The following PTPRM variants were observed in gnomAD, a reference collection of about 807,000 sequenced individuals.
The protein encoded by PTPRM is protein tyrosine phosphatase receptor type M.
A neutral mutation model predicts 186.7 loss-of-function variants in PTPRM; 47 were observed. That is an observed-to-expected ratio of 0.25 (90% CI 0.20 to 0.32). The LOEUF (loss-of-function observed/expected upper bound fraction) is 0.32. PTPRM is among the 10% of genes least tolerant of loss of function. The pLI is 1.00. For missense variants in PTPRM, 1,494 were observed against 1,865.0 expected, an observed-to-expected ratio of 0.80 and a Z score of 3.66; for synonymous variants, 668 against 674.9, an observed-to-expected ratio of 0.99 and a Z score of 0.16.
intron 7 of PTPRM, among the ~76,000 whole-genome samples, chr18:8,063,653 A>G (rs913649361): frequency 2.0e-5 from 3 of 152,144 alleles, no homozygotes; most frequent in Non-Finnish European, 2.9e-5. Context: ...TTATGGATTT[A>G]GGGGTACAAG....
At chr18:8,192,756 G>A (rs1469023895) in intron 14 of PTPRM, among the ~76,000 whole-genome samples, 1 of 152,198 alleles carries the variant, frequency 6.6e-6, no homozygotes, top group African/African-American at 2.4e-5. Flanking sequence ...AGAATTGTCA[G>A]TGTTTGCCAA....
chr18:8,390,241 A>T (rs2095802494), intron 31 of PTPRM, among the ~76,000 whole-genome samples: 1 of 152,238 alleles, frequency 6.6e-6, no homozygotes, highest in Non-Finnish European at 1.5e-5. Flanking sequence ...GACTGCCTGG[A>T]CACGTTGGTC....
intron 7 of PTPRM, among the ~76,000 whole-genome samples, chr18:8,048,950 CA>C (rs1485299303): frequency 2.0e-5 from 3 of 152,108 alleles, no homozygotes; most frequent in Non-Finnish European, 4.4e-5. Flanking sequence ...GGTAAAATAT[CA>C]GTTCCAAACT....
chr18:8,194,392 G>A (rs1025418268), intron 14 of PTPRM, among the ~76,000 whole-genome samples: 4 of 152,214 alleles, frequency 2.6e-5, no homozygotes, highest in Non-Finnish European at 4.4e-5. Flanking sequence ...AAAACCAAGA[G>A]CTGATATGTG....
intron 19 of PTPRM, among the ~76,000 whole-genome samples, chr18:8,271,112 A>G (rs2094766473): frequency 6.6e-6 from 1 of 152,288 alleles, no homozygotes; most frequent in Non-Finnish European, 1.5e-5. Flanking sequence ...TTTTAAAAAC[A>G]TAGGTTGACA....
intron 7 of PTPRM, among the ~76,000 whole-genome samples, chr18:8,045,853 G>A (rs1027213082): frequency 1.3e-5 from 2 of 152,134 alleles, no homozygotes; most frequent in Non-Finnish European, 2.9e-5. Flanking sequence ...TTGAAAAAAG[G>A]GACTTAAGTG....
intron 24 of PTPRM, among the ~76,000 whole-genome samples, chr18:8,373,886 G>GAA (rs563237434): frequency 2.3e-5 from 3 of 129,696 alleles, no homozygotes; most frequent in African/African-American, 2.8e-5. Flanking sequence ...CCCTGTCTCG[G>GAA]AAAAAAAAAA....
chr18:8,353,919 G>C (rs1485967785), intron 23 of PTPRM, among the ~76,000 whole-genome samples: 1 of 152,128 alleles, frequency 6.6e-6, no homozygotes, highest in East Asian at 1.9e-4. Flanking sequence ...AAACAAAAAA[G>C]AGTATAATGC....
chr18:7,762,262 C>T (rs1422983556), intron 1 of PTPRM, among the ~76,000 whole-genome samples: 1 of 151,864 alleles, frequency 6.6e-6, no homozygotes, highest in African/African-American at 2.4e-5. Context: ...CAACAGGTAC[C>T]TGGGAGAGGT....
At position 7,828,951 on chromosome 18, in the gene PTPRM, T is replaced by C. The variant is rs948789493; in HGVS notation, c.196+54680T>C. Among the ~76,000 whole-genome samples, 6 of 152,188 alleles carry C rather than the reference T, an allele frequency of 3.9e-5. No individual in the cohort carries two copies. In the East Asian group the frequency reaches 9.6e-4, roughly 24 times the overall value. ...AGAACTCCTTTTCTTCTCTCTCTCT[T>C]TTTTGTTTTTTGGTCTGGCCTCTAG... On this transcript the variant is annotated intron_variant, in intron 2 of 32. Transcript: ENST00000580170.
At chr18:7,685,777 GC>G (rs1256619019) in intron 1 of PTPRM, among the ~76,000 whole-genome samples, 1 of 152,100 alleles carries the variant, frequency 6.6e-6, no homozygotes, top group Non-Finnish European at 1.5e-5. Context: ...GAGCCACTAG[GC>G]AAGGTCAGGC....
Position 7,908,399 on chromosome 18 carries a change from A to C in PTPRM, c.547+1816A>C, listed in dbSNP as rs114427901. Among the ~76,000 whole-genome samples the C allele has an allele frequency of 3.6e-3, 544 of 152,322 alleles. 1 individual carries two copies. The highest frequency in any genetic ancestry group is 0.012 in the African/African-American group (516 of 41,560). ...AAGAATGATTATATCTACAATAATA[A>C]AAATGGAAATATTTGCAGGAGTGGC... On this transcript the variant is annotated intron_variant, in intron 4 of 32. Coordinates refer to ENST00000580170, the MANE Select transcript of PTPRM (RefSeq NM_001105244.2).
In PTPRM at chr18:8,048,038, A is replaced by T. The variant is rs573589891; in HGVS notation, c.1133-21648A>T. Among the ~76,000 whole-genome samples, 3 of 152,336 alleles carry T rather than the reference A, an allele frequency of 2.0e-5. No individual in the cohort carries two copies. In the East Asian group the frequency reaches 5.8e-4, roughly 29 times the overall value. ...TGATTCCCTGGCTTCCAGGAAAACAATGAAAAACATCTACATTGCCTTTGT... is the reference window on the plus strand; with the variant it reads ...TGATTCCCTGGCTTCCAGGAAAACATTGAAAAACATCTACATTGCCTTTGT... On this transcript the variant is annotated intron_variant, in intron 7 of 32. Coordinates refer to ENST00000580170, the MANE Select transcript of PTPRM (RefSeq NM_001105244.2).
At chr18:7,823,408 T>C (rs1290390073) in intron 2 of PTPRM, among the ~76,000 whole-genome samples, 2 of 152,196 alleles carry the variant, frequency 1.3e-5, no homozygotes, top group South Asian at 2.1e-4. Flanking sequence ...AGCAGGCAGA[T>C]ATAAATTTAG....
intron 1 of PTPRM, among the ~76,000 whole-genome samples, chr18:7,748,088 A>G (rs1462493768): frequency 6.6e-6 from 1 of 152,144 alleles, no homozygotes; most frequent in Non-Finnish European, 1.5e-5. Context: ...CACAAGGACT[A>G]TATTTCCTAG....
At chr18:8,074,068 A>C (rs976962944) in intron 8 of PTPRM, among the ~76,000 whole-genome samples, 8 of 152,110 alleles carry the variant, frequency 5.3e-5, no homozygotes, top group African/African-American at 1.4e-4. Flanking sequence ...TGTGCCAAAC[A>C]ACACTTGACT....
chr18:7,947,661 T>G (rs2052629937), intron 5 of PTPRM, among the ~76,000 whole-genome samples: 1 of 152,156 alleles, frequency 6.6e-6, no homozygotes. Context: ...TAGCGTTTCC[T>G]ATAACTAGAA....
intron 7 of PTPRM, among the ~76,000 whole-genome samples, chr18:8,016,347 T>A (rs535772205): frequency 8.5e-4 from 129 of 151,864 alleles, no homozygotes; most frequent in African/African-American, 2.8e-3. Context: ...TGGTGAAACC[T>A]CGTCTCTACT....
intron 13 of PTPRM, among the ~76,000 whole-genome samples, chr18:8,141,913 A>G (rs2092775119): frequency 6.6e-6 from 1 of 152,172 alleles, no homozygotes; most frequent in Non-Finnish European, 1.5e-5. Flanking sequence ...TTTTGTATAG[A>G]TTGCTTATTT....
Sources: allele counts gnomAD v4.1 joint callset (sites outside exome capture counted in the v4.1 genomes callset), GRCh38; gene constraint gnomAD v4.1.1; transcripts MANE v1.5; gene names NCBI Gene and HGNC (gene_info 2026-07-23, HGNC 2026-07-21).